MORN3: variants seen among roughly 807,000 people sequenced by gnomAD.
The protein encoded by MORN3 is MORN repeat containing 3.
Under a neutral mutation model 34.7 loss-of-function variants are expected in MORN3, and 38 were observed. The ratio of observed to expected loss-of-function variants is 1.10; its 90% CI spans 0.85 to 1.44. MORN3 has a LOEUF of 1.44. Among genes scored for constraint, MORN3 ranks in the 40% most tolerant of loss-of-function variants. MORN3 has a pLI of 0.00. For missense variants in MORN3, 311 were observed against 321.7 expected, an observed-to-expected ratio of 0.97 and a Z score of 0.25; for synonymous variants, 109 against 115.3, an observed-to-expected ratio of 0.95 and a Z score of 0.35.
In MORN3 at chr12:121,653,127, A is replaced by T. The variant is rs781832232; in HGVS notation, c.596T>A (p.Ile199Asn). ...AGGGGCCTCGTCACGGCCAAAGTCG[A>T]TCATCGTCCCGCATTTGGCCATATT... Reference protein sequence around the residue: ...VDNMAKCGTMIDFGRDEAPEP... With the variant: ...VDNMAKCGTMNDFGRDEAPEP... Residue 199 changes from isoleucine to asparagine, a missense_variant, in exon 4 of 6, where the codon ATC becomes AAC. Transcript: ENST00000355329. The T allele has an allele frequency of 6.2e-7, 1 of 1,614,010 alleles. No homozygotes were observed. Among genetic ancestry groups the T allele is most frequent in the Non-Finnish European group, 8.5e-7 (1 of 1,180,004 alleles).
intron 2 of MORN3, 74 bp from the exon 3 acceptor site, chr12:121,654,507 C>G: frequency 2.7e-6 from 4 of 1,463,874 alleles, no homozygotes; most frequent in Non-Finnish European, 3.7e-6. Context: ...TTCCCAGGCA[C>G]CCCTAGAGCC....
At chr12:121,656,273 T>C (rs1893413585) in intron 2 of MORN3, among the ~76,000 whole-genome samples, 1 of 152,116 alleles carries the variant, frequency 6.6e-6, no homozygotes, top group Non-Finnish European at 1.5e-5. Context: ...CTTTTTTTTC[T>C]TCCTGGCTAA....
chr12:121,669,635 G>T lies in MORN3; in HGVS notation c.-152C>A. The T allele has an allele frequency of 9.2e-7, 1 of 1,088,208 alleles. No homozygotes were observed. Among genetic ancestry groups the T allele is most frequent in the Non-Finnish European group, 1.3e-6 (1 of 758,718 alleles). The allele number at this position is 1,088,208 out of a possible 1,614,324, so 67.4% of individuals were successfully genotyped here. A position where few individuals can be genotyped will look rare whatever the true frequency, so the allele number is the denominator to read the frequency against. On this transcript the variant is annotated 5_prime_UTR_variant, in exon 1 of 6. Transcript: ENST00000355329. ...GGGGCAGGTGAACAGCCCTTAGTGGGGATCCTTTAGTGCTGGACTGACCTT... is the reference window on the plus strand; with the variant it reads ...GGGGCAGGTGAACAGCCCTTAGTGGTGATCCTTTAGTGCTGGACTGACCTT...
At chr12:121,660,355 CT>C (rs200327265) in intron 1 of MORN3, among the ~76,000 whole-genome samples, 3,700 of 128,610 alleles carry the variant, frequency 0.029, 101 homozygotes, top group East Asian at 0.09. Context: ...TTCTTTCTTT[CT>C]TTTTTTTTTT....
chr12:121,658,752 G>C (rs1893488630), intron 2 of MORN3, among the ~76,000 whole-genome samples: 1 of 151,940 alleles, frequency 6.6e-6, no homozygotes, highest in African/African-American at 2.4e-5. Flanking sequence ...ACGCGCCTCT[G>C]GCTGGCTTCG....
At chr12:121,667,403 A>G (rs1893798460) in intron 1 of MORN3, among the ~76,000 whole-genome samples, 1 of 151,222 alleles carries the variant, frequency 6.6e-6, no homozygotes, top group South Asian at 2.1e-4. Flanking sequence ...ACAGGCGTTC[A>G]CCACTCGATC....
chr12:121,653,315 C>A, intron 3 of MORN3, 56 bp from the exon 4 acceptor site: 2 of 1,551,806 alleles, frequency 1.3e-6, no homozygotes, highest in Admixed American at 1.9e-5. Context: ...AGCTAGACCC[C>A]CAGGGGTCGC....
intron 2 of MORN3, among the ~76,000 whole-genome samples, chr12:121,658,877 G>GAA (rs1469587475): frequency 1.3e-5 from 2 of 152,108 alleles, no homozygotes; most frequent in Non-Finnish European, 2.9e-5. Context: ...CTGGGGAAAA[G>GAA]AAAGCCAGGA....
At position 121,654,342 on chromosome 12, in the gene MORN3, C is replaced by T. The variant is rs782408547; in HGVS notation, c.395G>A (p.Ser132Asn). Residue 132 changes from serine (S) to asparagine (N), a missense_variant, in exon 3 of 6, where the codon AGC becomes AAC. By Grantham distance (46) the Ser-to-Asn change is conservative. Transcript: ENST00000355329. ...CTGTCCCTCGTAGATGTCGCCGTTG[C>T]TGTAATACATGCGGCCCCACCCGCT... ...QRSGWGRMYY[S>N]NGDIYEGQWE... The T allele has an allele frequency of 4.4e-6, 7 of 1,603,430 alleles. No individual in the cohort carries two copies. In the African/African-American group the frequency reaches 9.4e-5, roughly 21 times the overall value.
chr12:121,652,867 T>G, intron 4 of MORN3, 59 bp from the exon 5 acceptor site: 1 of 1,575,784 alleles, frequency 6.3e-7, no homozygotes, highest in Middle Eastern at 1.7e-4. Flanking sequence ...GCTGCCAGCC[T>G]TGACTGGCGC....
chr12:121,654,188 T>C (rs1893334266), intron 3 of MORN3, 86 bp downstream of exon 3: 22 of 1,149,962 alleles, frequency 1.9e-5, no homozygotes, highest in Admixed American at 2.5e-5. Context: ...GGGTGTGGCC[T>C]GTCTCTGTGG....
At chr12:121,657,325 A>G (rs1893441466) in intron 2 of MORN3, among the ~76,000 whole-genome samples, 1 of 152,194 alleles carries the variant, frequency 6.6e-6, no homozygotes, top group Non-Finnish European at 1.5e-5. Context: ...TGCTCCTAAG[A>G]TCAATGCTTA....
chr12:121,664,482 G>C (rs2136880744), intron 1 of MORN3, among the ~76,000 whole-genome samples: 1 of 152,318 alleles, frequency 6.6e-6, no homozygotes, highest in Middle Eastern at 3.4e-3. Context: ...GTTGCAGCCG[G>C]GCGAGGTGGC....
In MORN3 at chr12:121,648,829, T is replaced by G. The variant is rs542204790; in HGVS notation, c.*2822A>C. 3.9e-5 allele frequency: 6 copies of G among 152,312 alleles called. No homozygotes were observed. Among genetic ancestry groups the G allele is most frequent in the African/African-American group, 1.2e-4 (5 of 41,570 alleles). 9.4% of individuals were successfully genotyped at this position (152,312 alleles called of 1,614,324 possible). A position where few individuals can be genotyped will look rare whatever the true frequency, so the allele number is the denominator to read the frequency against. On this transcript the variant is annotated 3_prime_UTR_variant, in exon 6 of 6. Coordinates refer to ENST00000355329, the MANE Select transcript of MORN3 (RefSeq NM_173855.5). ...CAACACTGAAAAGTTGTTCTTCAGCTCCTGTTCCCAAGTCCCCAATTCTCC... is the reference window on the plus strand; with the variant it reads ...CAACACTGAAAAGTTGTTCTTCAGCGCCTGTTCCCAAGTCCCCAATTCTCC...
In MORN3 at chr12:121,649,638, T is replaced by C. The variant is rs782383830; in HGVS notation, c.*2013A>G. The C allele has an allele frequency of 1.3e-5, 2 of 152,032 alleles. No individual in the cohort carries two copies. The highest frequency in any genetic ancestry group is 2.9e-5 in the Non-Finnish European group (2 of 68,006). 9.4% of individuals were successfully genotyped at this position (152,032 alleles called of 1,614,324 possible). A position where few individuals can be genotyped will look rare whatever the true frequency, so the allele number is the denominator to read the frequency against. The stretch of plus-strand genomic sequence containing the variant: ...AAGGTCAGTGGTGTTTATTGAGGCT[T>C]TACTATGTGCTATGTGCCTCTTGCT... On this transcript the variant is annotated 3_prime_UTR_variant, in exon 6 of 6. Coordinates refer to ENST00000355329, the MANE Select transcript of MORN3 (RefSeq NM_173855.5).
At chr12:121,657,734 C>A (rs1401911522) in intron 2 of MORN3, among the ~76,000 whole-genome samples, 2 of 151,936 alleles carry the variant, frequency 1.3e-5, no homozygotes, top group South Asian at 2.1e-4. Context: ...GTGTGTGGTA[C>A]CACATGCCTG....
At chr12:121,652,692 C>G (rs1555325207) in intron 5 of MORN3, 36 bp downstream of exon 5, 1 of 1,596,792 alleles carries the variant, frequency 6.3e-7, no homozygotes, top group East Asian at 2.2e-5. Context: ...GCAGCCTCAG[C>G]CACATCAGAA....
chr12:121,664,156 C>T (rs569506225), intron 1 of MORN3, among the ~76,000 whole-genome samples: 1 of 152,242 alleles, frequency 6.6e-6, no homozygotes, highest in South Asian at 2.1e-4. Context: ...CAGAGGAAAG[C>T]AAAATGGAGA....
intron 1 of MORN3, among the ~76,000 whole-genome samples, chr12:121,663,953 G>T (rs1283666846): frequency 6.6e-6 from 1 of 152,008 alleles, no homozygotes; most frequent in Admixed American, 6.6e-5. Context: ...AACCCCCAAG[G>T]TTTGGGTGGC....
Sources: gnomAD v4.1 joint callset for allele counts (sites outside exome capture counted in the v4.1 genomes callset) on GRCh38, gnomAD v4.1.1 for gene constraint, MANE v1.5 for transcripts, NCBI Gene and HGNC (gene_info 2026-07-23, HGNC 2026-07-21) for gene names.